Variants in ARV1 observed in about 807,000 individuals in gnomAD.
ARV1 encodes the protein ARV1 fatty acid homeostasis modulator, also known as protein ARV1.
In ARV1, 26 loss-of-function variants were observed where a neutral mutation model predicts 31.1. That is an observed-to-expected ratio of 0.84 (90% CI 0.61 to 1.16). ARV1 has a LOEUF of 1.16. ARV1 is among the 50% of genes most tolerant of loss of function. The pLI is 0.00. For synonymous variants in ARV1, 117 were observed against 123.2 expected, an observed-to-expected ratio of 0.95 and a Z score of 0.34; for missense variants, 281 against 324.9, an observed-to-expected ratio of 0.86 and a Z score of 1.04.
chr1:230,984,371 T>C (rs199738489), intron 1 of ARV1, among the ~76,000 whole-genome samples: 9,380 of 85,486 alleles, frequency 0.11, 348 homozygotes, highest in Middle Eastern at 0.29. Context: ...TGCGTGTGTG[T>C]GTGTGTGTGT....
At chr1:230,997,330 C>A in intron 5 of ARV1, 63 bp downstream of exon 5, 1 of 1,561,264 alleles carries the variant, frequency 6.4e-7, no homozygotes, top group South Asian at 1.2e-5. Flanking sequence ...AGACAGATGT[C>A]ATTGTAAAAG....
chr1:230,979,640 C>T (rs1262652109), intron 1 of ARV1: 3 of 260,338 alleles, frequency 1.2e-5, no homozygotes, highest in African/African-American at 2.3e-5. Context: ...CATCCTTACC[C>T]TCCACAACCC....
intron 5 of ARV1, 81 bp downstream of exon 5, chr1:230,997,348 T>G: frequency 6.6e-7 from 1 of 1,504,768 alleles, no homozygotes; most frequent in Non-Finnish European, 9.1e-7. Context: ...AAGAAGTCGG[T>G]GCCCTTACAT....
At chr1:230,989,568 T>C (rs1034519229) in intron 2 of ARV1, among the ~76,000 whole-genome samples, 1 of 152,210 alleles carries the variant, frequency 6.6e-6, no homozygotes, top group Non-Finnish European at 1.5e-5. Context: ...TTTTAATTGT[T>C]CTCTTTTAAC....
At chr1:230,988,516 G>A (rs1030575221) in intron 2 of ARV1, 77 bp downstream of exon 2, 6 of 1,253,228 alleles carry the variant, frequency 4.8e-6, no homozygotes, top group Middle Eastern at 2.8e-4. Flanking sequence ...ATTTTAAACA[G>A]AAGTAAAGAA....
intron 2 of ARV1, 110 bp from the exon 3 acceptor site, chr1:230,990,000 C>T (rs1209667366): frequency 1.8e-6 from 2 of 1,135,328 alleles, no homozygotes; most frequent in Non-Finnish European, 2.4e-6. Flanking sequence ...ATTGGGCAGT[C>T]CTGAATTTGA....
At chr1:230,996,109 T>C in intron 4 of ARV1, 125 bp downstream of exon 4, 1 of 696,640 alleles carries the variant, frequency 1.4e-6, no homozygotes, top group Non-Finnish European at 2.4e-6. Flanking sequence ...ATAGTAATAA[T>C]ACCTAACACT....
chr1:230,986,519 G>T (rs1679073683), intron 1 of ARV1, among the ~76,000 whole-genome samples: 1 of 151,966 alleles, frequency 6.6e-6, no homozygotes, highest in African/African-American at 2.4e-5. Flanking sequence ...TTGAATTGTA[G>T]CCATTCCAGT....
At chr1:230,992,544 A>G (rs2103053092) in intron 3 of ARV1, among the ~76,000 whole-genome samples, 1 of 152,322 alleles carries the variant, frequency 6.6e-6, no homozygotes, top group South Asian at 2.1e-4. Context: ...TGTCAACTGA[A>G]TGAGGTCAGG....
chr1:230,997,554 T>C (rs1017724062), intron 5 of ARV1, among the ~76,000 whole-genome samples: 1 of 152,154 alleles, frequency 6.6e-6, no homozygotes, highest in Non-Finnish European at 1.5e-5. Context: ...TCTACTAGGA[T>C]TGCAGACTCT....
At chr1:230,985,966 G>C (rs967699643) in intron 1 of ARV1, among the ~76,000 whole-genome samples, 2 of 151,654 alleles carry the variant, frequency 1.3e-5, no homozygotes, top group African/African-American at 4.8e-5. Flanking sequence ...GCCCAGGCTG[G>C]AGTGCAGTGG....
At chr1:230,997,920 C>T (rs1383541393) in intron 5 of ARV1, among the ~76,000 whole-genome samples, 1 of 152,188 alleles carries the variant, frequency 6.6e-6, no homozygotes, top group African/African-American at 2.4e-5. Flanking sequence ...TAGTCACCTC[C>T]AGTGACCCTC....
At chr1:230,996,075 T>G in intron 4 of ARV1, 91 bp downstream of exon 4, 1 of 999,082 alleles carries the variant, frequency 1.0e-6, no homozygotes, top group Non-Finnish European at 1.5e-6. Context: ...ATATAACCTG[T>G]TGAACACTGG....
At chr1:230,983,839 C>T (rs184865714) in intron 1 of ARV1, among the ~76,000 whole-genome samples, 13 of 152,282 alleles carry the variant, frequency 8.5e-5, no homozygotes, top group Admixed American at 4.6e-4. Flanking sequence ...TTGGTCCTTG[C>T]GTTGTAGGGA....
At chr1:230,992,609 G>C (rs1679259428) in intron 3 of ARV1, among the ~76,000 whole-genome samples, 1 of 152,194 alleles carries the variant, frequency 6.6e-6, no homozygotes, top group African/African-American at 2.4e-5. Context: ...TGGCCCAGGT[G>C]CTTAATAAAT....
At chr1:230,999,457 G>A (rs979906618) in intron 5 of ARV1, among the ~76,000 whole-genome samples, 1 of 152,164 alleles carries the variant, frequency 6.6e-6, no homozygotes, top group Non-Finnish European at 1.5e-5. Context: ...TGCTGACATA[G>A]GAGTTTCTTG....
chr1:230,985,643 C>T (rs1409909330), intron 1 of ARV1, among the ~76,000 whole-genome samples: 3 of 152,140 alleles, frequency 2.0e-5, no homozygotes, highest in Admixed American at 6.5e-5. Flanking sequence ...TGTCCAAAAA[C>T]GGGTTTTAGA....
intron 2 of ARV1, among the ~76,000 whole-genome samples, chr1:230,988,762 G>A (rs1463059567): frequency 1.3e-4 from 20 of 152,192 alleles, no homozygotes; most frequent in Non-Finnish European, 4.4e-5. Context: ...TCCAGGTAGG[G>A]AGAGAATTAT....
At position 230,997,134 on chromosome 1, in the gene ARV1, C is replaced by G; in HGVS notation, c.687C>G (p.Ile229Met). The change falls in exon 5 of 6, where the codon ATC (isoleucine) becomes ATG (methionine). Residue 229 changes from isoleucine to methionine, a missense_variant. By Grantham distance (10) the Ile-to-Met change is conservative. Transcript: ENST00000310256. ...TCTCCTTTCCAGTGACCCTAAACAT[C>G]AACCGTAAGCTCTCCTTCTTGGCCG... ...NFQAIRVTLN[I>M]NRKLSFLAVL... The G allele has an allele frequency of 6.2e-7, 1 of 1,613,998 alleles. No individual in the cohort carries two copies. The highest frequency in any genetic ancestry group is 8.5e-7 in the Non-Finnish European group (1 of 1,179,972).
Sources: gnomAD v4.1 joint callset for allele counts (sites outside exome capture counted in the v4.1 genomes callset) on GRCh38, gnomAD v4.1.1 for gene constraint, MANE v1.5 for transcripts, NCBI Gene and HGNC (gene_info 2026-07-23, HGNC 2026-07-21) for gene names.